The following MSRA variants were observed in gnomAD, a reference collection of about 807,000 sequenced individuals.
MSRA encodes methionine sulfoxide reductase A.
In MSRA, 54 loss-of-function variants were observed where a neutral mutation model predicts 31.3. The ratio of observed to expected loss-of-function variants is 1.73; its 90% CI spans 1.39 to 2.17. MSRA has a LOEUF of 2.17. Ranked by LOEUF, MSRA falls within the 30% of genes most tolerant of loss-of-function variation. The probability of loss-of-function intolerance (pLI) is 0.00; values close to 1 mark genes in which losing one functional copy is unlikely to be tolerated. For missense variants in MSRA, 507 were observed against 300.9 expected (o/e 1.69, Z -5.07); for synonymous variants, 169 against 116.5 (o/e 1.45, Z -2.90).
intron 5 of MSRA, among the ~76,000 whole-genome samples, chr8:10,327,869 C>T (rs1330848155): frequency 6.6e-6 from 1 of 151,932 alleles, no homozygotes. Flanking sequence ...GGAGGCGGAG[C>T]TTGCAGTGAG....
In MSRA at chr8:10,353,904, C is replaced by A. The variant is rs1196448967; in HGVS notation, c.543+33915C>A. On this transcript the variant is annotated intron_variant, in intron 5 of 5. Coordinates refer to ENST00000317173, the MANE Select transcript of MSRA (RefSeq NM_012331.5). ...GAAGACAAAAAGATGAAGGAAAGGGCTTTAAGGATACAAAGGACCTTATTA... is the reference window on the plus strand; with the variant it reads ...GAAGACAAAAAGATGAAGGAAAGGGATTTAAGGATACAAAGGACCTTATTA... 1.3e-5 allele frequency: 3 copies of A among 235,970 alleles called. No individual in the cohort carries two copies. In the South Asian group the frequency reaches 1.6e-4, roughly 13 times the overall value. 14.6% of individuals were successfully genotyped at this position (235,970 alleles called of 1,614,324 possible).
intron 1 of MSRA, among the ~76,000 whole-genome samples, chr8:10,190,839 C>A (rs1470191871): frequency 1.3e-5 from 2 of 152,128 alleles, no homozygotes; most frequent in Non-Finnish European, 2.9e-5. Context: ...TTCCTCCTTT[C>A]TTTACTCATC....
intron 1 of MSRA, among the ~76,000 whole-genome samples, chr8:10,059,283 G>A (rs547034512): frequency 6.6e-6 from 1 of 152,302 alleles, no homozygotes; most frequent in Middle Eastern, 3.4e-3. Context: ...TGTCTTGTAT[G>A]CCAGGCACTG....
intron 1 of MSRA, among the ~76,000 whole-genome samples, chr8:10,123,465 G>A (rs1801272445): frequency 6.6e-6 from 1 of 152,152 alleles, no homozygotes; most frequent in South Asian, 2.1e-4. Flanking sequence ...CATTCTGTAG[G>A]TTGTCTGTTT....
intron 3 of MSRA, among the ~76,000 whole-genome samples, chr8:10,256,265 C>T (rs566673984): frequency 4.4e-4 from 67 of 152,282 alleles, no homozygotes; most frequent in African/African-American, 1.5e-3. Flanking sequence ...GTAATATGCA[C>T]TTAAGTTTCC....
At chr8:10,265,931 C>G (rs146338605) in intron 3 of MSRA, among the ~76,000 whole-genome samples, 32 of 152,338 alleles carry the variant, frequency 2.1e-4, no homozygotes, top group African/African-American at 7.5e-4. Context: ...CTCGGATCAG[C>G]AGTTCACTCC....
At chr8:10,163,542 T>C (rs750723288) in intron 1 of MSRA, among the ~76,000 whole-genome samples, 15 of 152,202 alleles carry the variant, frequency 9.9e-5, no homozygotes, top group African/African-American at 1.9e-4. Context: ...CCTTGTGCCT[T>C]CGTAGAGAAA....
intron 1 of MSRA, among the ~76,000 whole-genome samples, chr8:10,165,820 C>G (rs965877611): frequency 1.3e-5 from 2 of 152,154 alleles, no homozygotes; most frequent in Non-Finnish European, 2.9e-5. Context: ...CAAATAAATG[C>G]TTCCTATGTG....
intron 5 of MSRA, among the ~76,000 whole-genome samples, chr8:10,408,137 G>A (rs1176834445): frequency 6.6e-6 from 1 of 152,182 alleles, no homozygotes; most frequent in Non-Finnish European, 1.5e-5. Flanking sequence ...GGAAACAGAG[G>A]CCAGGGAGAA....
chr8:10,179,359 G>A (rs1166866114), intron 1 of MSRA, among the ~76,000 whole-genome samples: 1 of 152,100 alleles, frequency 6.6e-6, no homozygotes, highest in African/African-American at 2.4e-5. Context: ...TGTAAGGGTT[G>A]GTGTCTTCAT....
At chr8:10,107,752 A>C (rs762550163) in intron 1 of MSRA, among the ~76,000 whole-genome samples, 3 of 152,164 alleles carry the variant, frequency 2.0e-5, no homozygotes, top group Non-Finnish European at 2.9e-5. Flanking sequence ...AGAGTGTGAC[A>C]GTAGTTTACC....
chr8:10,381,289 T>G (rs1345101885), intron 5 of MSRA, among the ~76,000 whole-genome samples: 2 of 152,210 alleles, frequency 1.3e-5, no homozygotes, highest in Non-Finnish European at 2.9e-5. Flanking sequence ...TCTTTTCTCT[T>G]TGATCCACCC....
chr8:10,270,816 G>A (rs1042442535), intron 3 of MSRA, among the ~76,000 whole-genome samples: 1 of 152,204 alleles, frequency 6.6e-6, no homozygotes, highest in Non-Finnish European at 1.5e-5. Context: ...TTCAAAAGAA[G>A]AGAGTTATGA....
At chr8:10,321,909 CAGAAGCTGTGAGATAATAA>C (rs1279493298) in intron 5 of MSRA, among the ~76,000 whole-genome samples, 5 of 152,224 alleles carry the variant, frequency 3.3e-5, no homozygotes, top group Non-Finnish European at 5.9e-5. Flanking sequence ...AGCTGTGCCA[CAGAAGCTGTGAGATAATAA>C]ATGTATATAC....
chr8:10,265,059 A>G (rs932402971), intron 3 of MSRA, among the ~76,000 whole-genome samples: 10 of 152,194 alleles, frequency 6.6e-5, no homozygotes, highest in Admixed American at 1.3e-4. Flanking sequence ...AAGCAAGAGC[A>G]TTGAGAGCTC....
At chr8:10,276,736 T>C (rs947607567) in intron 3 of MSRA, among the ~76,000 whole-genome samples, 6 of 152,208 alleles carry the variant, frequency 3.9e-5, no homozygotes, top group Non-Finnish European at 8.8e-5. Flanking sequence ...CAGCTTCAAT[T>C]GTGGGGGCAG....
intron 2 of MSRA, among the ~76,000 whole-genome samples, chr8:10,223,314 G>A (rs1810691193): frequency 1.3e-5 from 2 of 152,170 alleles, no homozygotes; most frequent in Admixed American, 6.5e-5. Context: ...ACTTCAGATT[G>A]TACTTCTGGT....
chr8:10,201,975 G>A (rs770834358), intron 1 of MSRA, among the ~76,000 whole-genome samples: 5 of 152,226 alleles, frequency 3.3e-5, no homozygotes, highest in Non-Finnish European at 7.3e-5. Context: ...CACCCACTCT[G>A]CTATGGCTGG....
At chr8:10,421,434 C>G (rs913686313) in intron 5 of MSRA, among the ~76,000 whole-genome samples, 2 of 152,176 alleles carry the variant, frequency 1.3e-5, no homozygotes, top group African/African-American at 4.8e-5. Context: ...GCCTTTCTAA[C>G]CTTGCCCACT....
Sources: gnomAD v4.1 joint callset for allele counts (sites outside exome capture counted in the v4.1 genomes callset) on GRCh38, gnomAD v4.1.1 for gene constraint, MANE v1.5 for transcripts, NCBI Gene and HGNC (gene_info 2026-07-23, HGNC 2026-07-21) for gene names.